AGO3: variants seen among roughly 807,000 people sequenced by gnomAD.
The protein encoded by AGO3 is argonaute RISC catalytic component 3, also known as protein argonaute-3.
AGO3 carries 16 observed loss-of-function variants against 105.5 expected under a neutral mutation model. The ratio of observed to expected loss-of-function variants is 0.15; its 90% CI spans 0.10 to 0.23. The LOEUF is 0.23. Ranked by LOEUF, AGO3 falls within the 10% of genes least tolerant of loss-of-function variation. AGO3 has a pLI of 1.00. For missense variants in AGO3, 534 were observed against 1,088.0 expected (o/e 0.49, Z 7.16); for synonymous variants, 340 against 367.3 (o/e 0.93, Z 0.85).
intron 5 of AGO3, among the ~76,000 whole-genome samples, chr1:35,987,801 A>G (rs1458665864): frequency 1.3e-5 from 2 of 151,552 alleles, no homozygotes; most frequent in South Asian, 2.1e-4. Context: ...CAGGCGTGGT[A>G]GCTCACACCT....
intron 5 of AGO3, among the ~76,000 whole-genome samples, chr1:35,976,862 G>C (rs972180058): frequency 2.0e-5 from 3 of 151,794 alleles, no homozygotes; most frequent in African/African-American, 4.9e-5. Context: ...TCAAGTTTTG[G>C]TATTATTTCC....
chr1:35,991,852 C>T (rs1224569014), intron 5 of AGO3, among the ~76,000 whole-genome samples: 2 of 151,818 alleles, frequency 1.3e-5, no homozygotes, highest in African/African-American at 2.4e-5. Context: ...CCCTCAAATT[C>T]CTTTTTGTTT....
At chr1:35,931,053 G>A (rs574534403), upstream of AGO3, 1,181 of 383,620 alleles carry the variant, frequency 3.1e-3, 1 homozygote, top group Non-Finnish European at 4.6e-3. Flanking sequence ...AGGACGCCGG[G>A]CAAGCCAGGC....
At chr1:35,939,469 A>G (rs1365544794) in intron 1 of AGO3, among the ~76,000 whole-genome samples, 1 of 152,196 alleles carries the variant, frequency 6.6e-6, no homozygotes, top group African/African-American at 2.4e-5. Context: ...ATGTGTCGGT[A>G]TAGGTTTGAG....
At chr1:35,969,755 C>T (rs1411512650) in intron 3 of AGO3, among the ~76,000 whole-genome samples, 1 of 152,168 alleles carries the variant, frequency 6.6e-6, no homozygotes, top group Non-Finnish European at 1.5e-5. Flanking sequence ...GTATAGCTTA[C>T]TACACACATA....
In AGO3 at chr1:36,040,763, A is replaced by T. The variant is rs576160667; in HGVS notation, c.2172+322A>T. Among the ~76,000 whole-genome samples, 23 of 152,218 alleles carry T rather than the reference A, an allele frequency of 1.5e-4. No homozygotes were observed. The East Asian group carries it at 3.9e-3, about 26-fold the overall frequency. On this transcript the variant is annotated intron_variant, in intron 16 of 18. Coordinates refer to ENST00000373191, the MANE Select transcript of AGO3 (RefSeq NM_024852.4). The stretch of plus-strand genomic sequence containing the variant: ...TCTCTTTTTAAAATATCTCATACAA[A>T]TTAGTTTTTTAAAAAAGTGGAAATT...
chr1:35,948,334 CA>C (rs1170943712), intron 2 of AGO3, among the ~76,000 whole-genome samples: 1 of 151,758 alleles, frequency 6.6e-6, no homozygotes, highest in Non-Finnish European at 1.5e-5. Flanking sequence ...TCTCCTGCCT[CA>C]GCCTCCCGAG....
chr1:36,030,091 T>A (rs1222973773), intron 12 of AGO3, among the ~76,000 whole-genome samples: 2 of 152,216 alleles, frequency 1.3e-5, no homozygotes, highest in African/African-American at 4.8e-5. Context: ...ACAAATAGTT[T>A]ATTATTAGTT....
At chr1:36,017,193 G>C (rs760164774) in intron 11 of AGO3, among the ~76,000 whole-genome samples, 38 of 152,270 alleles carry the variant, frequency 2.5e-4, no homozygotes, top group Middle Eastern at 3.4e-3. Context: ...ATCCCAGGGA[G>C]ACTACTATTA....
intron 5 of AGO3, chr1:35,982,769 T>C: frequency 1.6e-6 from 1 of 621,900 alleles, no homozygotes; most frequent in East Asian, 2.9e-5. Context: ...GCTGAAAAAA[T>C]AGGTTTAAGA....
At chr1:35,942,911 G>A (rs976232849) in intron 1 of AGO3, among the ~76,000 whole-genome samples, 1 of 152,006 alleles carries the variant, frequency 6.6e-6, no homozygotes, top group Non-Finnish European at 1.5e-5. Flanking sequence ...GTGACCACAC[G>A]TCTACTTCCT....
At chr1:35,996,096 T>G (rs570599798) in intron 5 of AGO3, among the ~76,000 whole-genome samples, 104 of 152,166 alleles carry the variant, frequency 6.8e-4, no homozygotes, top group African/African-American at 2.4e-3. Flanking sequence ...CCCAACACTT[T>G]GGGAGGCCTA....
intron 11 of AGO3, among the ~76,000 whole-genome samples, chr1:36,018,695 T>C (rs1641046104): frequency 6.6e-6 from 1 of 152,128 alleles, no homozygotes. Context: ...CCTCCCAAAG[T>C]GCTGGGATTA....
At chr1:35,984,044 A>G (rs1392492775) in intron 5 of AGO3, among the ~76,000 whole-genome samples, 2 of 152,200 alleles carry the variant, frequency 1.3e-5, no homozygotes, top group Admixed American at 6.5e-5. Flanking sequence ...TGAAACAGGA[A>G]AGAGGAGGAT....
At chr1:35,986,065 T>A (rs764804894) in intron 5 of AGO3, among the ~76,000 whole-genome samples, 11 of 152,210 alleles carry the variant, frequency 7.2e-5, no homozygotes, top group Admixed American at 3.3e-4. Context: ...AAGAAAAATC[T>A]TATGAAATAC....
At chr1:36,044,420 G>A (rs1312223801) in intron 17 of AGO3, among the ~76,000 whole-genome samples, 2 of 150,196 alleles carry the variant, frequency 1.3e-5, no homozygotes, top group East Asian at 2.0e-4. Flanking sequence ...GTTTTGTTTT[G>A]TTTGTTTGTT....
chr1:35,964,913 C>T (rs543492711), intron 2 of AGO3, among the ~76,000 whole-genome samples: 7 of 151,758 alleles, frequency 4.6e-5, no homozygotes, highest in Non-Finnish European at 1.0e-4. Context: ...TTGTTGGCTG[C>T]ATGTATGTCT....
chr1:35,989,919 G>T (rs931840665), intron 5 of AGO3, among the ~76,000 whole-genome samples: 14 of 152,018 alleles, frequency 9.2e-5, no homozygotes, highest in Non-Finnish European at 1.5e-5. Context: ...ATGTTTGTTA[G>T]TTATATCTCC....
chr1:35,937,122 T>C (rs1156417613), intron 1 of AGO3, among the ~76,000 whole-genome samples: 1 of 152,164 alleles, frequency 6.6e-6, no homozygotes, highest in African/African-American at 2.4e-5. Flanking sequence ...GAAATGCCTT[T>C]TAAAAATTGT....
Sources: allele counts gnomAD v4.1 joint callset (sites outside exome capture counted in the v4.1 genomes callset), GRCh38; gene constraint gnomAD v4.1.1; transcripts MANE v1.5; gene names NCBI Gene and HGNC (gene_info 2026-07-23, HGNC 2026-07-21).